Variants in PCDHGA12 observed in about 807,000 individuals in gnomAD.
PCDHGA12 encodes protocadherin gamma subfamily A, 12, also known as protocadherin gamma-A12.
A neutral mutation model predicts 61.1 loss-of-function variants in PCDHGA12; 43 were observed. The observed-to-expected ratio is 0.70, with a 90% confidence interval of 0.55 to 0.91. The LOEUF is 0.91. Among genes scored for constraint, PCDHGA12 ranks in the 40% least tolerant of loss-of-function variants. The pLI, the probability that PCDHGA12 is intolerant of heterozygous loss-of-function variation, is 0.00. For synonymous variants in PCDHGA12, 520 were observed against 542.9 expected, an observed-to-expected ratio of 0.96 and a Z score of 0.59; for missense variants, 1,236 against 1,227.7, an observed-to-expected ratio of 1.01 and a Z score of -0.10.
At chr5:141,478,816 A>G in intron 1 of PCDHGA12, 1 of 1,450,826 alleles carries the variant, frequency 6.9e-7, no homozygotes, top group Non-Finnish European at 9.1e-7. Context: ...TATCACAACT[A>G]ACCAATCTTG....
Position 141,477,016 on chromosome 5 carries a change from A to G in PCDHGA12, c.2425-17791A>G, listed in dbSNP as rs2099403497. Reference sequence around the variant, plus strand: ...GGCAACTATTCGCCTTAGACCTTGTAACCGGGATGCTGACAATCAAGGGTC... The same window carrying G: ...GGCAACTATTCGCCTTAGACCTTGTGACCGGGATGCTGACAATCAAGGGTC... On this transcript the variant is annotated intron_variant, in intron 1 of 3. Transcript: ENST00000252085. The surrounding 1 kb of genome is among the most constrained non-coding windows in gnomAD (Gnocchi z 4.9). 4.3e-6 allele frequency: 7 copies of G among 1,614,130 alleles called. No homozygotes were observed. The highest frequency in any genetic ancestry group is 5.9e-6 in the Non-Finnish European group (7 of 1,180,050).
At chr5:141,510,626 AGGTG>A (rs2099882005) in intron 3 of PCDHGA12, among the ~76,000 whole-genome samples, 1 of 152,144 alleles carries the variant, frequency 6.6e-6, no homozygotes, top group Admixed American at 6.5e-5. Context: ...AAACCAGAAG[AGGTG>A]GTTACCATTA....
In PCDHGA12 at chr5:141,486,056, C is replaced by T; in HGVS notation, c.2425-8751C>T. 6.2e-7 allele frequency: 1 copy of T among 1,614,170 alleles called. No homozygotes were observed. The highest frequency in any genetic ancestry group is 8.5e-7 in the Non-Finnish European group (1 of 1,180,026). ...TGATCGTGTAAGAAACCTCTTTAGC[C>T]TGCACCCCACTACTGGAAAGCTTAC... On this transcript the variant is annotated intron_variant, in intron 1 of 3. Transcript: ENST00000252085. The surrounding 1 kb of genome is among the most constrained non-coding windows in gnomAD (Gnocchi z 5.0).
chr5:141,466,148 G>A (rs1201643685), intron 1 of PCDHGA12, among the ~76,000 whole-genome samples: 1 of 151,814 alleles, frequency 6.6e-6, no homozygotes, highest in Non-Finnish European at 1.5e-5. Flanking sequence ...GAAAACTCTG[G>A]TCTTAAACTG....
chr5:141,433,623 G>A (rs2097635547), intron 1 of PCDHGA12, among the ~76,000 whole-genome samples: 1 of 152,070 alleles, frequency 6.6e-6, no homozygotes, highest in African/African-American at 2.4e-5. Flanking sequence ...ATCACCTGAG[G>A]TTGGGAGTTT....
chr5:141,465,689 C>A (rs2099107540), intron 1 of PCDHGA12, among the ~76,000 whole-genome samples: 1 of 152,162 alleles, frequency 6.6e-6, no homozygotes, highest in African/African-American at 2.4e-5. Context: ...GACCAGTCTG[C>A]TTTTGCATTG....
rs2099884413 is a variant in PCDHGA12, at chr5:141,512,781, G to A, written c.*1608G>A. ...CCTTGATCTGCCCGCGGCGGCCCGT[G>A]TTGTGTTTTGTGCTGTGTCCACGCG... is the stretch of plus-strand genomic sequence containing the variant. On this transcript the variant is annotated 3_prime_UTR_variant, in exon 4 of 4. Transcript: ENST00000252085. 1 of 152,534 alleles carries A rather than the reference G, an allele frequency of 6.6e-6. No individual in the cohort carries two copies. Among genetic ancestry groups the A allele is most frequent in the African/African-American group, 2.4e-5 (1 of 41,444 alleles). 9.4% of individuals were successfully genotyped at this position (152,534 alleles called of 1,614,324 possible). A position where few individuals can be genotyped will look rare whatever the true frequency, so the allele number is the denominator to read the frequency against.
chr5:141,448,834 A>G (rs910945659), intron 1 of PCDHGA12, among the ~76,000 whole-genome samples: 2 of 151,780 alleles, frequency 1.3e-5, no homozygotes, highest in African/African-American at 4.8e-5. Context: ...AGTCCCAGCT[A>G]CTCTGGAGGC....
At chr5:141,470,872 TTTTTTGTTTTTG>T (rs900302332) in intron 1 of PCDHGA12, among the ~76,000 whole-genome samples, 1 of 151,814 alleles carries the variant, frequency 6.6e-6, no homozygotes, top group Non-Finnish European at 1.5e-5. Context: ...GTTTGTTTGT[TTTTTTGTTTTTG>T]TTTTTGTTTT....
At chr5:141,435,805 T>C (rs2097780946) in intron 1 of PCDHGA12, among the ~76,000 whole-genome samples, 1 of 152,178 alleles carries the variant, frequency 6.6e-6, no homozygotes, top group African/African-American at 2.4e-5. Flanking sequence ...GTCCCAATTA[T>C]TTTTTCTTTC....
chr5:141,493,338 A>G lies in PCDHGA12; in HGVS notation c.2425-1469A>G, dbSNP rs773870729. Among the ~76,000 whole-genome samples the G allele has an allele frequency of 6.6e-6, 1 of 152,162 alleles. No individual in the cohort carries two copies. The highest frequency in any genetic ancestry group is 1.5e-5 in the Non-Finnish European group (1 of 68,028). On this transcript the variant is annotated intron_variant, in intron 1 of 3. Transcript: ENST00000252085. This position sits in a 1 kb window ranked among gnomAD's most constrained non-coding sequence, Gnocchi z 4.3. ...GATTCTAACCCCTGTCTAACTCCAG[A>G]ATGTGTGCTTTTAATTTCTTGGCAC...
intron 1 of PCDHGA12, among the ~76,000 whole-genome samples, chr5:141,449,290 G>A (rs1255760925): frequency 1.3e-5 from 2 of 151,934 alleles, no homozygotes; most frequent in Admixed American, 6.6e-5. Context: ...CGGATGCACC[G>A]GGTGAATTAT....
rs1224943883 is a variant in PCDHGA12 at position 141,493,516 on chromosome 5, G to A, written c.2425-1291G>A. Among the ~76,000 whole-genome samples, 1 of 152,122 alleles carries A rather than the reference G, an allele frequency of 6.6e-6. No individual in the cohort carries two copies. The highest frequency in any genetic ancestry group is 1.5e-5 in the Non-Finnish European group (1 of 68,036). On this transcript the variant is annotated intron_variant, in intron 1 of 3. Coordinates refer to ENST00000252085, the MANE Select transcript of PCDHGA12 (RefSeq NM_003735.3). The surrounding 1 kb of genome is among the most constrained non-coding windows in gnomAD (Gnocchi z 4.3). ...GGCTCCTCATTTCTGAGCAGTCCCC[G>A]CAGCGCAAACTTGGCCAGTTATCCT...
intron 1 of PCDHGA12, among the ~76,000 whole-genome samples, chr5:141,451,134 T>C (rs567790185): frequency 9.9e-5 from 15 of 152,254 alleles, no homozygotes; most frequent in African/African-American, 3.6e-4. Context: ...AGCCTTATGA[T>C]TGTATTTAGA....
At chr5:141,504,065 G>C (rs1291060280) in intron 2 of PCDHGA12, among the ~76,000 whole-genome samples, 2 of 152,060 alleles carry the variant, frequency 1.3e-5, no homozygotes, top group African/African-American at 2.4e-5. Context: ...AAACTTCTCT[G>C]AGCCAGATGG....
intron 1 of PCDHGA12, among the ~76,000 whole-genome samples, chr5:141,445,554 C>T (rs898901856): frequency 3.3e-5 from 5 of 152,102 alleles, no homozygotes; most frequent in African/African-American, 1.2e-4. Context: ...TACAAAAGCA[C>T]TAAGAGAAAG....
Position 141,487,272 on chromosome 5 carries a change from T to C in PCDHGA12, c.2425-7535T>C. 6.2e-7 allele frequency: 1 copy of C among 1,614,148 alleles called. No homozygotes were observed. The highest frequency in any genetic ancestry group is 8.5e-7 in the Non-Finnish European group (1 of 1,180,036). Reference sequence around the variant, plus strand: ...TACTTGGCTGTGTCCCTAGTGGCAATTTGCTTTGTCTCCTTTGGCTCATTC... The same window carrying C: ...TACTTGGCTGTGTCCCTAGTGGCAACTTGCTTTGTCTCCTTTGGCTCATTC... On this transcript the variant is annotated intron_variant, in intron 1 of 3. Coordinates refer to ENST00000252085, the MANE Select transcript of PCDHGA12 (RefSeq NM_003735.3). This position sits in a 1 kb window ranked among gnomAD's most constrained non-coding sequence, Gnocchi z 5.0.
intron 1 of PCDHGA12, among the ~76,000 whole-genome samples, chr5:141,458,063 G>A (rs1011861177): frequency 1.3e-5 from 2 of 152,190 alleles, no homozygotes; most frequent in African/African-American, 4.8e-5. Context: ...CTGCACTGAT[G>A]CGAACAACTA....
intron 1 of PCDHGA12, among the ~76,000 whole-genome samples, chr5:141,460,912 G>GTATA (rs34683754): frequency 4.0e-5 from 6 of 149,324 alleles, no homozygotes; most frequent in South Asian, 2.1e-4. Context: ...ATTCCATGGT[G>GTATA]TATATATATA....
Sources: allele counts gnomAD v4.1 joint callset (sites outside exome capture counted in the v4.1 genomes callset), GRCh38; gene constraint gnomAD v4.1.1; non-coding constraint Gnocchi (gnomAD v3.1); transcripts MANE v1.5; gene names NCBI Gene and HGNC (gene_info 2026-07-23, HGNC 2026-07-21).